Variants in PAQR3 observed in about 807,000 individuals in gnomAD.
PAQR3 encodes progestin and adipoQ receptor family member 3, also known as Raf kinase trapping to Golgi.
PAQR3 carries 39 observed loss-of-function variants against 41.7 expected under a neutral mutation model. That is an observed-to-expected ratio of 0.93 (90% CI 0.72 to 1.22). PAQR3 has a LOEUF of 1.22. PAQR3 is among the 50% of genes most tolerant of loss of function. The pLI is 0.00. For missense variants in PAQR3, 366 were observed against 385.6 expected (o/e 0.95, Z 0.42); for synonymous variants, 140 against 140.6 (o/e 1.00, Z 0.03).
chr4:78,892,988 T>G (rs1176639863), intron 11 of PAQR3, among the ~76,000 whole-genome samples: 1 of 152,216 alleles, frequency 6.6e-6, no homozygotes, highest in African/African-American at 2.4e-5. Flanking sequence ...AGACAATGAT[T>G]AAGTTTGCAA....
intron 11 of PAQR3, among the ~76,000 whole-genome samples, chr4:78,890,272 A>T (rs1213708850): frequency 6.6e-6 from 1 of 151,978 alleles, no homozygotes. Context: ...TTAATATATC[A>T]TGCTAATTAT....
At chr4:78,894,794 G>A (rs537440422) in intron 11 of PAQR3, among the ~76,000 whole-genome samples, 2 of 152,248 alleles carry the variant, frequency 1.3e-5, no homozygotes, top group African/African-American at 4.8e-5. Flanking sequence ...TCCTCTCTAA[G>A]CTTAGTCATT....
In PAQR3 at chr4:78,918,153, CTG is replaced by C; in HGVS notation, c.*2384_*2385del. Reference sequence around the variant, plus strand: ...CATAGATAATTTTAAAATGTAAAATCTGTAGGCAAAAAGCTTTTATAGTTCAC... The same window carrying C: ...CATAGATAATTTTAAAATGTAAAATCTAGGCAAAAAGCTTTTATAGTTCAC... On this transcript the variant is annotated 3_prime_UTR_variant, in exon 6 of 6. Transcript: ENST00000512733. 7 of 959,768 alleles carry C rather than the reference CTG, an allele frequency of 7.3e-6. No homozygotes were observed. Among genetic ancestry groups the C allele is most frequent in the Non-Finnish European group, 8.7e-6 (7 of 806,414 alleles). 59.5% of individuals were successfully genotyped at this position (959,768 alleles called of 1,614,324 possible).
chr4:78,887,605 T>C (rs545149966), intron 12 of PAQR3, among the ~76,000 whole-genome samples: 34 of 152,354 alleles, frequency 2.2e-4, no homozygotes, highest in South Asian at 2.1e-4. Flanking sequence ...TTTGATATTT[T>C]CCTAGTTTGT....
At position 78,939,089 on chromosome 4, in the gene PAQR3, T is replaced by C. The variant is rs2110184502; in HGVS notation, c.136A>G (p.Ile46Val). 5 of 1,613,436 alleles carry C rather than the reference T, an allele frequency of 3.1e-6. No homozygotes were observed. Among genetic ancestry groups the C allele is most frequent in the Non-Finnish European group, 3.4e-6 (4 of 1,179,596 alleles). Reference sequence around the variant, plus strand: ...AGGTAGGCCCGGTAGCCGTCGGTGATGTACGGGTTGTCCTTGAGGGACCCG... The same window carrying C: ...AGGTAGGCCCGGTAGCCGTCGGTGACGTACGGGTTGTCCTTGAGGGACCCG... ...IPGSLKDNPY[I>V]TDGYRAYLPS... Residue 46 changes from isoleucine to valine, a missense_variant, in exon 1 of 6, where the codon ATC (isoleucine) becomes GTC (valine). By Grantham distance (29) the Ile-to-Val change is conservative. Transcript: ENST00000512733.
Position 78,919,292 on chromosome 4 carries a change from T to C in PAQR3, c.*1247A>G. 4.1e-6 allele frequency: 4 copies of C among 984,420 alleles called. No homozygotes were observed. The highest frequency in any genetic ancestry group is 4.8e-6 in the Non-Finnish European group (4 of 829,134). The allele number at this position is 984,420 out of a possible 1,614,324, so 61.0% of individuals were successfully genotyped here. On this transcript the variant is annotated 3_prime_UTR_variant, in exon 6 of 6. Coordinates refer to ENST00000512733, the MANE Select transcript of PAQR3 (RefSeq NM_001040202.2). Reference sequence around the variant, plus strand: ...ACTCATGAAGAAACTTGGGTAATATTTTATACTCCAATAAACAATGTAAGT... The same window carrying C: ...ACTCATGAAGAAACTTGGGTAATATCTTATACTCCAATAAACAATGTAAGT...
intron 11 of PAQR3, among the ~76,000 whole-genome samples, chr4:78,894,232 CAA>C (rs1327453640): frequency 6.6e-6 from 1 of 152,174 alleles, no homozygotes; most frequent in Non-Finnish European, 1.5e-5. Flanking sequence ...TAGCTCCTAA[CAA>C]GAGAGTCAGT....
intron 5 of PAQR3, chr4:78,921,773 G>C: frequency 1.0e-6 from 1 of 984,654 alleles, no homozygotes; most frequent in Non-Finnish European, 1.2e-6. Flanking sequence ...ACTTGCCAGA[G>C]ATAGTTTCTA....
rs966067845 is a variant in PAQR3, at chr4:78,913,862, A to G, written c.*6677T>C. ...TATTATTTAGAGCTGGACTGCACCA[A>G]TTACTTGTCCTCGTGCCAAAGGCAA... On this transcript the variant is annotated 3_prime_UTR_variant, in exon 6 of 6. Transcript: ENST00000512733. The G allele has an allele frequency of 2.0e-5, 3 of 151,844 alleles. No individual in the cohort carries two copies. Among genetic ancestry groups the G allele is most frequent in the African/African-American group, 7.3e-5 (3 of 41,326 alleles). The allele number at this position is 151,844 out of a possible 1,614,324, so 9.4% of individuals were successfully genotyped here. A position where few individuals can be genotyped will look rare whatever the true frequency, so the allele number is the denominator to read the frequency against.
intron 1 of PAQR3, among the ~76,000 whole-genome samples, chr4:78,938,229 G>A (rs1737637495): frequency 6.6e-6 from 1 of 152,224 alleles, no homozygotes; most frequent in Non-Finnish European, 1.5e-5. Flanking sequence ...TTCTCCTGAA[G>A]CAGAGGTCCT....
At chr4:78,923,011 T>C in intron 5 of PAQR3, 4 of 456,014 alleles carry the variant, frequency 8.8e-6, no homozygotes, top group South Asian at 4.7e-5. Context: ...AAAAAATCTA[T>C]TGGCTTGTGT....
At chr4:78,890,286 A>C (rs1357698609) in intron 11 of PAQR3, among the ~76,000 whole-genome samples, 1 of 151,892 alleles carries the variant, frequency 6.6e-6, no homozygotes, top group South Asian at 2.1e-4. Context: ...TAATTATGCT[A>C]TTTCTTACCT....
downstream of PAQR3, chr4:78,910,739 G>A (rs758951246): frequency 1.9e-6 from 3 of 1,613,866 alleles, no homozygotes; most frequent in South Asian, 2.2e-5. Context: ...TCAGTACAGG[G>A]TCAAGTGCAA....
At position 78,919,410 on chromosome 4, in the gene PAQR3, AT is replaced by A. The variant is rs1359858366; in HGVS notation, c.*1128del. 6.1e-6 allele frequency: 6 copies of A among 984,348 alleles called. No homozygotes were observed. The highest frequency in any genetic ancestry group is 1.2e-4 in the Admixed American group (2 of 16,202). The allele number at this position is 984,348 out of a possible 1,614,324, so 61.0% of individuals were successfully genotyped here. The stretch of plus-strand genomic sequence containing the variant: ...AATGTATGATAGGGCAGTGAGTTCT[AT>A]TTTTTAAGTATATACAATAAAAAGA... On this transcript the variant is annotated 3_prime_UTR_variant, in exon 6 of 6. Coordinates refer to ENST00000512733, the MANE Select transcript of PAQR3 (RefSeq NM_001040202.2).
At chr4:78,911,070 A>G (rs754078974), downstream of PAQR3, 31 of 1,613,814 alleles carry the variant, frequency 1.9e-5, no homozygotes, top group Admixed American at 5.0e-5. Flanking sequence ...CCTCAGCCCA[A>G]TTATCCTCTG....
At chr4:78,929,199 G>A (rs1200497911) in intron 3 of PAQR3, among the ~76,000 whole-genome samples, 1 of 152,194 alleles carries the variant, frequency 6.6e-6, no homozygotes, top group African/African-American at 2.4e-5. Flanking sequence ...CCTTGGGCAG[G>A]ACAGGCTCTA....
intron 3 of PAQR3, among the ~76,000 whole-genome samples, chr4:78,928,529 A>G (rs1435002751): frequency 6.6e-6 from 1 of 152,358 alleles, no homozygotes; most frequent in Admixed American, 6.5e-5. Context: ...ATATGTTGAC[A>G]GTATTCTCTG....
At chr4:78,910,397 T>C (rs1010386334), downstream of PAQR3, among the ~76,000 whole-genome samples, 2 of 152,222 alleles carry the variant, frequency 1.3e-5, no homozygotes, top group Non-Finnish European at 2.9e-5. Flanking sequence ...GGTCCAGATA[T>C]GAATAAGTCT....
rs1377667999 is a variant in PAQR3 at position 78,916,116 on chromosome 4, T to C, written c.*4423A>G. ...AGTAACTTCAGTCCTCAAATATAGC[T>C]GGGAAACAATTATGAGATAGACTCA... On this transcript the variant is annotated 3_prime_UTR_variant, in exon 6 of 6. Coordinates refer to ENST00000512733, the MANE Select transcript of PAQR3 (RefSeq NM_001040202.2). 1 of 151,896 alleles carries C rather than the reference T, an allele frequency of 6.6e-6. No individual in the cohort carries two copies. The highest frequency in any genetic ancestry group is 1.5e-5 in the Non-Finnish European group (1 of 67,836). 9.4% of individuals were successfully genotyped at this position (151,896 alleles called of 1,614,324 possible).
Sources: allele counts gnomAD v4.1 joint callset (sites outside exome capture counted in the v4.1 genomes callset), GRCh38; gene constraint gnomAD v4.1.1; transcripts MANE v1.5; gene names NCBI Gene and HGNC (gene_info 2026-07-23, HGNC 2026-07-21).